Variants in VGF observed in about 807,000 individuals in gnomAD.
VGF encodes the protein VGF nerve growth factor inducible.
In VGF, 13 loss-of-function variants were observed where a neutral mutation model predicts 41.1. The observed-to-expected ratio is 0.32, with a 90% CI of 0.21 to 0.50. The LOEUF (loss-of-function observed/expected upper bound fraction) is 0.50. Among genes scored for constraint, VGF ranks in the 20% least tolerant of loss-of-function variants. The pLI is 0.98. For missense variants in VGF, 920 were observed against 882.1 expected (o/e 1.04, Z -0.54); for synonymous variants, 473 against 418.3 (o/e 1.13, Z -1.60).
At position 101,162,684 on chromosome 7, in the gene VGF, C is replaced by T. The variant is rs887658951; in HGVS notation, c.*312G>A. Reference sequence around the variant, plus strand: ...CACTTCACACAATTAACTGGAACTGCTTTTTCCGGTTTCCGACGGGGACGT... The same window carrying T: ...CACTTCACACAATTAACTGGAACTGTTTTTTCCGGTTTCCGACGGGGACGT... On this transcript the variant is annotated 3_prime_UTR_variant, in exon 2 of 2. Coordinates refer to ENST00000249330, the MANE Select transcript of VGF (RefSeq NM_003378.4). The surrounding 1 kb of genome is among the most constrained non-coding windows in gnomAD (Gnocchi z 4.2). 2.0e-6 allele frequency: 1 copy of T among 493,508 alleles called. No homozygotes were observed. Among genetic ancestry groups the T allele is most frequent in the African/African-American group, 2.0e-5 (1 of 49,304 alleles). 30.6% of individuals were successfully genotyped at this position (493,508 alleles called of 1,614,324 possible).
chr7:101,164,777 C>T lies in VGF; in HGVS notation c.67G>A (p.Ala23Thr). ...CLLLINGLGA[A>T]PPGRPEAQPP... ...TGCGCCTCAGGGCGACCAGGGGGTG[C>T]TGCCCCTAACCCGTTGATCAGCAGA... The change falls in exon 2 of 2, where the codon GCA becomes ACA. Residue 23 changes from alanine to threonine, a missense_variant. Transcript: ENST00000249330. The T allele has an allele frequency of 1.2e-6, 2 of 1,608,120 alleles. No individual in the cohort carries two copies. The highest frequency in any genetic ancestry group is 1.7e-6 in the Non-Finnish European group (2 of 1,175,924).
chr7:101,169,078 C>T (rs1024919744), upstream of VGF, among the ~76,000 whole-genome samples: 2 of 151,440 alleles, frequency 1.3e-5, no homozygotes, highest in Non-Finnish European at 2.9e-5. Context: ...CTGGGGGCTA[C>T]GGGAGGGTCT....
rs763317081 is a variant in VGF, at chr7:101,165,474, G to A, written c.-121C>T. ...CGCCTCGGCTCCGAGCGGTGGCCGG[G>A]GTAGGAGCGACGGTCGAGGTCTGGC... On this transcript the variant is annotated 5_prime_UTR_variant, in exon 1 of 2. Transcript: ENST00000249330. The A allele has an allele frequency of 1.3e-5, 13 of 985,380 alleles. No homozygotes were observed. Among genetic ancestry groups the A allele is most frequent in the Non-Finnish European group, 1.6e-5 (13 of 829,980 alleles). 61.0% of individuals were successfully genotyped at this position (985,380 alleles called of 1,614,324 possible). A position where few individuals can be genotyped will look rare whatever the true frequency, so the allele number is the denominator to read the frequency against.
chr7:101,164,265 G>A lies in VGF; in HGVS notation c.579C>T (p.Thr193=), dbSNP rs1478365007. ...AETETRTHTL[T]RVNLESPGPE... ...GCCCCGGGCTCTCCAGATTCACTCGGGTCAGCGTGTGCGTGCGGGTTTCCG... is the reference window on the plus strand; with the variant it reads ...GCCCCGGGCTCTCCAGATTCACTCGAGTCAGCGTGTGCGTGCGGGTTTCCG... The change falls in exon 2 of 2, where the codon ACC becomes ACT. Residue 193 remains threonine (T), a synonymous_variant. Transcript: ENST00000249330. 4 of 1,602,620 alleles carry A rather than the reference G, an allele frequency of 2.5e-6. No homozygotes were observed. Among genetic ancestry groups the A allele is most frequent in the Non-Finnish European group, 2.5e-6 (3 of 1,178,640 alleles).
upstream of VGF, chr7:101,165,644 C>T (rs998130381): frequency 2.0e-6 from 2 of 985,278 alleles, no homozygotes; most frequent in African/African-American, 1.7e-5. Context: ...GCCCCATTGA[C>T]GTCAATGTTC....
In VGF at chr7:101,164,220, A is replaced by G. The variant is rs769762083; in HGVS notation, c.624T>C (p.Ala208=). 216 of 1,568,052 alleles carry G rather than the reference A, an allele frequency of 1.4e-4. 1 individual carries two copies. Among genetic ancestry groups the G allele is most frequent in the Non-Finnish European group, 1.8e-4 (209 of 1,159,686 alleles). Residue 208 remains alanine (A), a synonymous_variant, in exon 2 of 2, where the codon GCT becomes GCC. Coordinates refer to ENST00000249330, the MANE Select transcript of VGF (RefSeq NM_003378.4). The stretch of plus-strand genomic sequence containing the variant: ...CACGCGCCTGGAACTCTCCCCAGGA[A>G]GCGCGCCATACGCGCTCTGGCCCCG... ...ESPGPERVWR[A]SWGEFQARVP...
chr7:101,167,387 G>A (rs1797237679), upstream of VGF, among the ~76,000 whole-genome samples: 1 of 151,024 alleles, frequency 6.6e-6, no homozygotes, highest in Non-Finnish European at 1.5e-5. The surrounding 1 kb of genome is among the most constrained non-coding windows in gnomAD (Gnocchi z 4.2). Context: ...CCAAAGAAAG[G>A]AGGGAAAAGA....
At chr7:101,165,732 C>T (rs1325426457), upstream of VGF, 4 of 892,408 alleles carry the variant, frequency 4.5e-6, no homozygotes, top group African/African-American at 7.2e-5. Flanking sequence ...TCCCGGCCTG[C>T]GCCTGCGCGC....
chr7:101,162,874 G>A lies in VGF; in HGVS notation c.*122C>T. 1 of 712,436 alleles carries A rather than the reference G, an allele frequency of 1.4e-6. No individual in the cohort carries two copies. 44.1% of individuals were successfully genotyped at this position (712,436 alleles called of 1,614,324 possible). A position where few individuals can be genotyped will look rare whatever the true frequency, so the allele number is the denominator to read the frequency against. ...AGGTCCCGACGCAGCCCGGGGACAG[G>A]GGCAGGGCCAAGGGGCAGGGCCGGG... is the stretch of plus-strand genomic sequence containing the variant. On this transcript the variant is annotated 3_prime_UTR_variant, in exon 2 of 2. Coordinates refer to ENST00000249330, the MANE Select transcript of VGF (RefSeq NM_003378.4). This position sits in a 1 kb window ranked among gnomAD's most constrained non-coding sequence, Gnocchi z 4.2.
At chr7:101,166,387 C>A (rs1429099668), upstream of VGF, among the ~76,000 whole-genome samples, 1 of 152,122 alleles carries the variant, frequency 6.6e-6, no homozygotes, top group African/African-American at 2.4e-5. Context: ...TGTGTCAAGG[C>A]CCCCCGCTGT....
chr7:101,165,340 C>G, intron 1 of VGF, 34 bp downstream of exon 1: 2 of 985,708 alleles, frequency 2.0e-6, no homozygotes, highest in Non-Finnish European at 2.4e-6. Flanking sequence ...GGCTGGCTGC[C>G]GAGGGTTTGA....
upstream of VGF, among the ~76,000 whole-genome samples, chr7:101,167,848 T>A (rs1423700158): frequency 6.6e-6 from 1 of 150,584 alleles, no homozygotes; most frequent in African/African-American, 2.4e-5. The surrounding 1 kb of genome is among the most constrained non-coding windows in gnomAD (Gnocchi z 4.2). Context: ...AGAAAGGGAA[T>A]GGGGGGAAGC....
Position 101,164,353 on chromosome 7 carries a change from T to C in VGF, c.491A>G (p.Gln164Arg). The change falls in exon 2 of 2, where the codon CAG becomes CGG. Residue 164 changes from glutamine (Q) to arginine (R), a missense_variant. Transcript: ENST00000249330. ...ACTTGGACTGAAATCTCGCAGTTCC[T>C]GGAGCAGGGACGCTAGCGCCTCGAG... The part of the protein sequence containing the change: ...EELEALASLL[Q>R]ELRDFSPSSA... 1.9e-6 allele frequency: 3 copies of C among 1,611,996 alleles called. No homozygotes were observed. The highest frequency in any genetic ancestry group is 2.5e-6 in the Non-Finnish European group (3 of 1,179,902).
chr7:101,163,479 G>T lies in VGF; in HGVS notation c.1365C>A (p.Leu455=), dbSNP rs1305497380. 1 of 1,613,092 alleles carries T rather than the reference G, an allele frequency of 6.2e-7. No individual in the cohort carries two copies. Among genetic ancestry groups the T allele is most frequent in the East Asian group, 2.2e-5 (1 of 44,856 alleles). ...EEMDPQTIDS[L]IELSTKLHLP... is the part of the protein sequence containing the mutation. ...GGTGGAGTTTGGTGGACAGCTCAAT[G>T]AGGCTGTCGATCGTCTGCGGATCCA... is the stretch of plus-strand genomic sequence containing the variant. Residue 455 remains leucine (L), a synonymous_variant, in exon 2 of 2, where the codon CTC becomes CTA. Coordinates refer to ENST00000249330, the MANE Select transcript of VGF (RefSeq NM_003378.4). This position sits in a 1 kb window ranked among gnomAD's most constrained non-coding sequence, Gnocchi z 5.0.
chr7:101,163,900 C>A lies in VGF; in HGVS notation c.944G>T (p.Arg315Leu), dbSNP rs962048493. ...EAGRRQAEATRQAAAQEERLA... is the reference protein window; with the variant it reads ...EAGRRQAEATLQAAAQEERLA... Reference sequence around the variant, plus strand: ...CCGCTCTTCCTGCGCCGCGGCCTGCCGCGTGGCCTCCGCCTGCCGCCGCCC... The same window carrying A: ...CCGCTCTTCCTGCGCCGCGGCCTGCAGCGTGGCCTCCGCCTGCCGCCGCCC... Residue 315 changes from arginine (R) to leucine (L), a missense_variant, in exon 2 of 2, where the codon CGG (arginine) becomes CTG (leucine). By Grantham distance (102) the Arg-to-Leu change is moderately radical (BLOSUM62 -2). Around this residue, in one of 3 missense-constraint regions of VGF, gnomAD observed 654 missense variants for 638.4 expected, o/e 1.02. Transcript: ENST00000249330. The surrounding 1 kb of genome is among the most constrained non-coding windows in gnomAD (Gnocchi z 5.0). 6.8e-7 allele frequency: 1 copy of A among 1,473,862 alleles called. No individual in the cohort carries two copies. Among genetic ancestry groups the A allele is most frequent in the South Asian group, 1.3e-5 (1 of 75,142 alleles). The allele number at this position is 1,473,862 out of a possible 1,614,324, so 91.3% of individuals were successfully genotyped here.
At position 101,165,537 on chromosome 7, in the gene VGF, C is replaced by T; in HGVS notation, c.-184G>A. On this transcript the variant is annotated 5_prime_UTR_variant, in exon 1 of 2. Coordinates refer to ENST00000249330, the MANE Select transcript of VGF (RefSeq NM_003378.4). ...GGGCTCAGCTGGGTCGGCGCGGCTC[C>T]GGGCGGCTAGCTCGCTCCGGCTTCA... 3.0e-6 allele frequency: 3 copies of T among 985,428 alleles called. No homozygotes were observed. Among genetic ancestry groups the T allele is most frequent in the Non-Finnish European group, 3.6e-6 (3 of 829,936 alleles). 61.0% of individuals were successfully genotyped at this position (985,428 alleles called of 1,614,324 possible).
Position 101,164,189 on chromosome 7 carries a change from C to G in VGF, c.655G>C (p.Glu219Gln), listed in dbSNP as rs534653999. The G allele has an allele frequency of 6.6e-7, 1 of 1,523,370 alleles. No homozygotes were observed. The highest frequency in any genetic ancestry group is 1.4e-5 in the African/African-American group (1 of 72,446). The allele number at this position is 1,523,370 out of a possible 1,614,324, so 94.4% of individuals were successfully genotyped here. A position where few individuals can be genotyped will look rare whatever the true frequency, so the allele number is the denominator to read the frequency against. ...GCCGGGGGCGGCAGGGGCGCGCGCT[C>G]CGGGACACGCGCCTGGAACTCTCCC... ...SWGEFQARVP[E>Q]RAPLPPPAPS... Residue 219 changes from glutamate to glutamine, a missense_variant, in exon 2 of 2, where the codon GAG becomes CAG. Physicochemically the swap from Glu to Gln is conservative, Grantham distance 29. This residue lies in a region of VGF where 654 missense variants were observed against 638.4 expected (regional missense o/e 1.02). Coordinates refer to ENST00000249330, the MANE Select transcript of VGF (RefSeq NM_003378.4).
At chr7:101,165,241 C>T in intron 1 of VGF, 133 bp downstream of exon 1, 1 of 996,534 alleles carries the variant, frequency 1.0e-6, no homozygotes. Context: ...CTGCGACTCC[C>T]CCGTTTACCG....
chr7:101,168,175 C>T (rs1198952514), upstream of VGF, among the ~76,000 whole-genome samples: 1 of 152,112 alleles, frequency 6.6e-6, no homozygotes, highest in East Asian at 1.9e-4. Context: ...CCCCACTCCA[C>T]ATCCCTCCCT....
Sources: gnomAD v4.1 joint callset for allele counts (sites outside exome capture counted in the v4.1 genomes callset) on GRCh38, gnomAD v4.1.1 for gene constraint, gnomAD v4.1.1 regional missense constraint, Gnocchi (gnomAD v3.1) non-coding constraint, MANE v1.5 for transcripts, NCBI Gene and HGNC (gene_info 2026-07-23, HGNC 2026-07-21) for gene names.